Variants in MGMT observed in about 807,000 individuals in gnomAD.
The protein encoded by MGMT is methylated-DNA--protein-cysteine methyltransferase.
Under a neutral mutation model 15.9 loss-of-function variants are expected in MGMT, and 14 were observed. That is an observed-to-expected ratio of 0.88 (90% CI 0.58 to 1.37). The LOEUF (loss-of-function observed/expected upper bound fraction) is 1.37. MGMT is among the 40% of genes most tolerant of loss of function. MGMT has a pLI of 0.00. For missense variants in MGMT, 282 were observed against 268.1 expected, an observed-to-expected ratio of 1.05 and a Z score of -0.36; for synonymous variants, 130 against 118.2, an observed-to-expected ratio of 1.10 and a Z score of -0.65.
intron 1 of MGMT, among the ~76,000 whole-genome samples, chr10:129,511,799 G>T (rs1286189950): frequency 6.6e-6 from 1 of 152,196 alleles, no homozygotes; most frequent in Admixed American, 6.5e-5. Flanking sequence ...GCCCCCCTAT[G>T]CAAAGTGGCG....
intron 3 of MGMT, among the ~76,000 whole-genome samples, chr10:129,743,025 T>C (rs1848654120): frequency 6.6e-6 from 1 of 152,204 alleles, no homozygotes; most frequent in Non-Finnish European, 1.5e-5. Flanking sequence ...ATGCCTGGAT[T>C]CAAGAGCCTC....
intron 3 of MGMT, among the ~76,000 whole-genome samples, chr10:129,754,690 G>C (rs1004211087): frequency 2.0e-4 from 30 of 152,368 alleles, no homozygotes; most frequent in African/African-American, 7.0e-4. Flanking sequence ...GGCATCTGCT[G>C]AGGGCCACCC....
At chr10:129,553,699 C>T (rs535780133) in intron 2 of MGMT, among the ~76,000 whole-genome samples, 2 of 152,232 alleles carry the variant, frequency 1.3e-5, no homozygotes, top group South Asian at 4.1e-4. Context: ...CCTGGAGGCA[C>T]AAGGAGAGAG....
intron 2 of MGMT, among the ~76,000 whole-genome samples, chr10:129,539,581 A>G (rs1484915868): frequency 6.6e-6 from 1 of 151,866 alleles, no homozygotes; most frequent in Non-Finnish European, 1.5e-5. Flanking sequence ...ATCTCGACTC[A>G]CTGCAAGCTG....
intron 2 of MGMT, among the ~76,000 whole-genome samples, chr10:129,692,650 G>T (rs1164437209): frequency 6.6e-6 from 1 of 152,198 alleles, no homozygotes; most frequent in Non-Finnish European, 1.5e-5. Context: ...GAGGTCCTGT[G>T]GGTCCGGGTG....
chr10:129,668,908 A>G (rs902477056), intron 2 of MGMT, among the ~76,000 whole-genome samples: 1 of 151,562 alleles, frequency 6.6e-6, no homozygotes, highest in African/African-American at 2.4e-5. Flanking sequence ...ATAGTCCTCC[A>G]TTTGTTGAGG....
chr10:129,562,998 A>G (rs938887134), intron 2 of MGMT, among the ~76,000 whole-genome samples: 1 of 152,182 alleles, frequency 6.6e-6, no homozygotes, highest in Admixed American at 6.5e-5. Flanking sequence ...GTCTCAGTAC[A>G]GTATTGAATA....
chr10:129,593,114 C>T (rs201028360), intron 2 of MGMT, among the ~76,000 whole-genome samples: 52 of 152,192 alleles, frequency 3.4e-4, no homozygotes, highest in African/African-American at 1.1e-3. Context: ...AGCCCCAAGC[C>T]GTTTCTTCTC....
chr10:129,763,184 A>G (rs185976581), intron 4 of MGMT, among the ~76,000 whole-genome samples: 5 of 152,314 alleles, frequency 3.3e-5, no homozygotes, highest in African/African-American at 9.6e-5. Context: ...GAAGATTTCA[A>G]TGCAGCTGTG....
chr10:129,514,272 A>G (rs957273485), intron 1 of MGMT, among the ~76,000 whole-genome samples: 1 of 152,242 alleles, frequency 6.6e-6, no homozygotes, highest in Non-Finnish European at 1.5e-5. Flanking sequence ...TTGAACAAAG[A>G]TTGGGTATTG....
chr10:129,567,554 C>G (rs776889053), intron 2 of MGMT, among the ~76,000 whole-genome samples: 6 of 152,210 alleles, frequency 3.9e-5, no homozygotes, highest in African/African-American at 1.4e-4. Flanking sequence ...AATCCTGTCC[C>G]TGGCCAGGAG....
At chr10:129,622,272 T>C (rs543454) in intron 2 of MGMT, among the ~76,000 whole-genome samples, 72,789 of 151,884 alleles carry the variant, frequency 0.48, 17,925 homozygotes, top group East Asian at 0.62. Flanking sequence ...GATTTTCTCA[T>C]CTTCGCATCA....
intron 1 of MGMT, among the ~76,000 whole-genome samples, chr10:129,481,247 A>G (rs888505288): frequency 6.6e-6 from 1 of 152,204 alleles, no homozygotes; most frequent in African/African-American, 2.4e-5. Context: ...TTCTGCAGTG[A>G]ATATGGTGGA....
intron 1 of MGMT, among the ~76,000 whole-genome samples, chr10:129,513,602 T>G (rs894222958): frequency 6.6e-5 from 10 of 152,110 alleles, no homozygotes; most frequent in Admixed American, 1.3e-4. Flanking sequence ...GCGGCTCCTC[T>G]TCAGAGCCTC....
At chr10:129,617,974 C>T (rs1007584860) in intron 2 of MGMT, among the ~76,000 whole-genome samples, 2 of 151,656 alleles carry the variant, frequency 1.3e-5, no homozygotes, top group African/African-American at 2.4e-5. Flanking sequence ...TGTGAGGACC[C>T]CTCCTGCCAT....
intron 2 of MGMT, among the ~76,000 whole-genome samples, chr10:129,689,775 G>T (rs1296004575): frequency 6.6e-6 from 1 of 152,220 alleles, no homozygotes; most frequent in African/African-American, 2.4e-5. Context: ...TGACAAGTTT[G>T]CTCTGAATTG....
chr10:129,535,707 AC>A (rs1845976752), intron 1 of MGMT, among the ~76,000 whole-genome samples: 1 of 152,164 alleles, frequency 6.6e-6, no homozygotes. Flanking sequence ...TTAGTGGAAC[AC>A]CCCAGCATTG....
At chr10:129,726,768 C>T (rs1848439284) in intron 3 of MGMT, among the ~76,000 whole-genome samples, 1 of 152,116 alleles carries the variant, frequency 6.6e-6, no homozygotes, top group South Asian at 2.1e-4. Context: ...GGAGTTTTGA[C>T]CTAATTAAAA....
chr10:129,517,569 G>C (rs56341642), intron 1 of MGMT, among the ~76,000 whole-genome samples: 38,001 of 152,152 alleles, frequency 0.25, 5,715 homozygotes, highest in African/African-American at 0.43. Flanking sequence ...GTGTCACGGC[G>C]TCACACATGG....
Sources: gnomAD v4.1 joint callset for allele counts (sites outside exome capture counted in the v4.1 genomes callset) on GRCh38, gnomAD v4.1.1 for gene constraint, MANE v1.5 for transcripts, NCBI Gene and HGNC (gene_info 2026-07-23, HGNC 2026-07-21) for gene names.